MTOR: variants seen among roughly 807,000 people sequenced by gnomAD.
MTOR encodes mechanistic target of rapamycin kinase, also known as serine/threonine-protein kinase mTOR.
Under a neutral mutation model 319.8 loss-of-function variants are expected in MTOR, and 70 were observed. The ratio of observed to expected loss-of-function variants is 0.22; its 90% confidence interval spans 0.18 to 0.27. The LOEUF (loss-of-function observed/expected upper bound fraction) is 0.27. MTOR is among the 10% of genes least tolerant of loss of function. MTOR has a pLI of 1.00. For synonymous variants in MTOR, 1,183 were observed against 1,211.4 expected (o/e 0.98, Z 0.49); for missense variants, 1,890 against 3,274.4 (o/e 0.58, Z 10.32).
At position 11,259,274 on chromosome 1, in the gene MTOR, G is replaced by A; in HGVS notation, c.136C>T (p.His46Tyr). ...TCTCGGAGTTCCATGGTGACATAGT[G>A]CTGGAGCTCCTTGGCGGCTTTGGCC... ...TRAKAAKELQ[H>Y]YVTMELREMS... is the part of the protein sequence containing the mutation. Residue 46 changes from histidine (H) to tyrosine (Y), a missense_variant, in exon 2 of 58, where the codon CAC (histidine) becomes TAC (tyrosine). Transcript: ENST00000361445. 1 of 1,613,986 alleles carries A rather than the reference G, an allele frequency of 6.2e-7. No individual in the cohort carries two copies. The highest frequency in any genetic ancestry group is 1.3e-5 in the African/African-American group (1 of 75,034).
chr1:11,206,772 C>A (rs1010774187), intron 25 of MTOR, among the ~76,000 whole-genome samples: 5 of 152,226 alleles, frequency 3.3e-5, no homozygotes, highest in African/African-American at 1.2e-4. Flanking sequence ...CCACCCACTG[C>A]TGATCGCCTC....
At chr1:11,110,249 A>C (rs1311821288) in intron 54 of MTOR, among the ~76,000 whole-genome samples, 1 of 152,242 alleles carries the variant, frequency 6.6e-6, no homozygotes, top group African/African-American at 2.4e-5. Flanking sequence ...AGGAATTTTC[A>C]TATCAGCTCT....
intron 6 of MTOR, among the ~76,000 whole-genome samples, chr1:11,252,530 T>A (rs1185035481): frequency 6.6e-6 from 1 of 152,070 alleles, no homozygotes; most frequent in Admixed American, 6.6e-5. Flanking sequence ...AAGAGCCCAA[T>A]GAGGTAGGTA....
At chr1:11,150,095 C>T (rs1370704512) in intron 31 of MTOR, 31 bp downstream of exon 31, 1 of 1,598,394 alleles carries the variant, frequency 6.3e-7, no homozygotes, top group Non-Finnish European at 8.6e-7. Flanking sequence ...TCACCCCATC[C>T]TTCACAGGGT....
intron 19 of MTOR, among the ~76,000 whole-genome samples, chr1:11,225,377 C>T (rs1463210339): frequency 6.8e-6 from 1 of 148,046 alleles, no homozygotes; most frequent in East Asian, 2.0e-4. Context: ...TTTTAAAAAG[C>T]AGAAAAAGTA....
Position 11,257,121 on chromosome 1 carries a change from T to G in MTOR, c.316A>C (p.Arg106=), listed in dbSNP as rs769970142. 1 of 1,613,826 alleles carries G rather than the reference T, an allele frequency of 6.2e-7. No individual in the cohort carries two copies. Among genetic ancestry groups the G allele is most frequent in the Non-Finnish European group, 8.5e-7 (1 of 1,179,960 alleles). The change falls in exon 4 of 58, where the codon AGA becomes CGA. Residue 106 remains arginine (R), a synonymous_variant. Coordinates refer to ENST00000361445, the MANE Select transcript of MTOR (RefSeq NM_004958.4). ...AGGTTCCGAAGATAGTTGGCAAATC[T>G]GCCAATTCGGGTGGCATTCCCACCT... The part of the protein sequence containing the change: ...VEGGNATRIG[R]FANYLRNLLP...
intron 28 of MTOR, chr1:11,193,879 T>C (rs1011095749): frequency 6.0e-6 from 7 of 1,160,032 alleles, no homozygotes; most frequent in Non-Finnish European, 8.5e-6. Context: ...CAAATCTGTA[T>C]ATTCATTGTG....
intron 46 of MTOR, 113 bp downstream of exon 46, chr1:11,126,509 T>C: frequency 1.3e-5 from 16 of 1,194,334 alleles, no homozygotes; most frequent in South Asian, 3.1e-5. Context: ...GGGAGAGATG[T>C]AGCTATGATA....
At chr1:11,244,232 C>A (rs1488525688) in intron 8 of MTOR, among the ~76,000 whole-genome samples, 1 of 136,390 alleles carries the variant, frequency 7.3e-6, no homozygotes, top group African/African-American at 2.7e-5. Flanking sequence ...GCGGAGGTTG[C>A]GGTGAGCCGA....
intron 34 of MTOR, among the ~76,000 whole-genome samples, chr1:11,140,106 G>A (rs924656662): frequency 3.3e-5 from 5 of 152,052 alleles, no homozygotes; most frequent in Non-Finnish European, 5.9e-5. Flanking sequence ...TTACAGGCAC[G>A]AGCCACCATG....
intron 47 of MTOR, among the ~76,000 whole-genome samples, chr1:11,122,799 G>A (rs923035172): frequency 1.3e-5 from 2 of 152,128 alleles, no homozygotes; most frequent in Non-Finnish European, 2.9e-5. Context: ...GAGCCACCGC[G>A]CCCGGCGGCC....
intron 26 of MTOR, among the ~76,000 whole-genome samples, chr1:11,200,067 AG>A (rs1225551381): frequency 6.6e-6 from 1 of 152,244 alleles, no homozygotes; most frequent in Non-Finnish European, 1.5e-5. Flanking sequence ...TTTTCTCCAA[AG>A]GAATATTTCT....
In MTOR at chr1:11,192,293, C is replaced by G. The variant is rs536894023; in HGVS notation, c.4253+6965G>C. On this transcript the variant is annotated intron_variant, in intron 28 of 57. Transcript: ENST00000361445. ...AGATGCCATCTACGACTGCTCTTCC[C>G]TCTACCAGAAGAACTACCGCATCTC... The G allele has an allele frequency of 1.7e-5, 27 of 1,614,002 alleles. No homozygotes were observed. The African/African-American group carries it at 3.5e-4, about 21-fold the overall frequency.
intron 9 of MTOR, among the ~76,000 whole-genome samples, 158 bp downstream of exon 9, chr1:11,242,956 T>C (rs1286030201): frequency 7.2e-5 from 11 of 152,210 alleles, no homozygotes; most frequent in Non-Finnish European, 1.5e-5. Context: ...TGGAAAAGCT[T>C]AGAATTCAAC....
chr1:11,170,765 C>A (rs1405824072), intron 28 of MTOR, among the ~76,000 whole-genome samples: 1 of 150,868 alleles, frequency 6.6e-6, no homozygotes, highest in Non-Finnish European at 1.5e-5. Flanking sequence ...CAGTTCACTG[C>A]AACCCCTGCC....
At position 11,128,682 on chromosome 1, in the gene MTOR, T is replaced by A; in HGVS notation, c.5812-130A>T. On this transcript the variant is annotated intron_variant, in intron 41 of 57. Transcript: ENST00000361445. This position sits in a 1 kb window ranked among gnomAD's most constrained non-coding sequence, Gnocchi z 5.3. Reference sequence around the variant, plus strand: ...AAATGGTTCATTCCCTTCCCTTTAGTTTCTAAAAGAAAATAAAGAAAATAT... The same window carrying A: ...AAATGGTTCATTCCCTTCCCTTTAGATTCTAAAAGAAAATAAAGAAAATAT... 1 of 1,106,794 alleles carries A rather than the reference T, an allele frequency of 9.0e-7. No homozygotes were observed. Among genetic ancestry groups the A allele is most frequent in the South Asian group, 1.4e-5 (1 of 68,976 alleles). 68.6% of individuals were successfully genotyped at this position (1,106,794 alleles called of 1,614,324 possible). A position where few individuals can be genotyped will look rare whatever the true frequency, so the allele number is the denominator to read the frequency against.
intron 19 of MTOR, among the ~76,000 whole-genome samples, chr1:11,227,442 C>T (rs1355323017): frequency 6.6e-6 from 1 of 151,422 alleles, no homozygotes; most frequent in African/African-American, 2.4e-5. Context: ...TCTAAATGTA[C>T]ATCATGTTGA....
intron 29 of MTOR, among the ~76,000 whole-genome samples, chr1:11,164,667 CA>C (rs1239247154): frequency 6.6e-6 from 1 of 152,140 alleles, no homozygotes; most frequent in East Asian, 1.9e-4. Context: ...ACCAGTGGTA[CA>C]AAGAGGAGCT....
At chr1:11,221,015 G>A (rs888071551) in intron 19 of MTOR, among the ~76,000 whole-genome samples, 1 of 149,872 alleles carries the variant, frequency 6.7e-6, no homozygotes, top group Non-Finnish European at 1.5e-5. Flanking sequence ...TTTTTTTGGA[G>A]ATGGAGTCTT....
Sources: gnomAD v4.1 joint callset for allele counts (sites outside exome capture counted in the v4.1 genomes callset) on GRCh38, gnomAD v4.1.1 for gene constraint, Gnocchi (gnomAD v3.1) non-coding constraint, MANE v1.5 for transcripts, NCBI Gene and HGNC (gene_info 2026-07-23, HGNC 2026-07-21) for gene names.